The following ARNT2 variants were observed in gnomAD, a reference collection of about 807,000 sequenced individuals.
ARNT2 encodes the protein aryl hydrocarbon receptor nuclear translocator 2, also known as ARNT protein 2.
ARNT2 carries 36 observed loss-of-function variants against 91.7 expected under a neutral mutation model. The ratio of observed to expected loss-of-function variants is 0.39; its 90% CI spans 0.30 to 0.52. The LOEUF (loss-of-function observed/expected upper bound fraction) is 0.52. ARNT2 is among the 20% of genes least tolerant of loss of function. ARNT2 has a pLI of 0.72. For missense variants in ARNT2, 775 were observed against 939.3 expected (o/e 0.83, Z 2.29); for synonymous variants, 365 against 347.1 (o/e 1.05, Z -0.57).
At chr15:80,448,942 G>A (rs1228236562) in intron 1 of ARNT2, among the ~76,000 whole-genome samples, 10 of 152,132 alleles carry the variant, frequency 6.6e-5, no homozygotes, top group Admixed American at 2.0e-4. Context: ...CCAAGATCAC[G>A]CCACTGCTCT....
intron 8 of ARNT2, among the ~76,000 whole-genome samples, chr15:80,524,995 G>A (rs189741026): frequency 4.0e-4 from 61 of 152,244 alleles, no homozygotes; most frequent in African/African-American, 8.9e-4. Flanking sequence ...GTATCTATGC[G>A]TTGAAAAATG....
chr15:80,523,993 A>G (rs888742366), intron 8 of ARNT2, among the ~76,000 whole-genome samples: 1 of 152,212 alleles, frequency 6.6e-6, no homozygotes, highest in African/African-American at 2.4e-5. Flanking sequence ...GGGGTGTCAT[A>G]TGAAGGAGGA....
intron 5 of ARNT2, among the ~76,000 whole-genome samples, chr15:80,496,398 C>G (rs1194664663): frequency 6.6e-6 from 1 of 152,204 alleles, no homozygotes; most frequent in Non-Finnish European, 1.5e-5. Flanking sequence ...GCCTGTAACT[C>G]CAGCTGGTAA....
chr15:80,443,078 G>A (rs1896219668), intron 1 of ARNT2: 1 of 959,024 alleles, frequency 1.0e-6, no homozygotes, highest in Non-Finnish European at 1.2e-6. Flanking sequence ...TAGGGGAGGG[G>A]TTGTTCAGAG....
chr15:80,469,878 G>A (rs1210151371), intron 3 of ARNT2, among the ~76,000 whole-genome samples: 1 of 152,232 alleles, frequency 6.6e-6, no homozygotes, highest in Admixed American at 6.5e-5. Context: ...GCCTCCCAAA[G>A]TGCTGGGACT....
At chr15:80,429,274 G>C (rs1338086944) in intron 1 of ARNT2, among the ~76,000 whole-genome samples, 1 of 152,188 alleles carries the variant, frequency 6.6e-6, no homozygotes, top group Admixed American at 6.5e-5. Flanking sequence ...GAGGGTTGAA[G>C]CTTTCAGCCC....
At chr15:80,554,277 C>T (rs1269902960) in intron 10 of ARNT2, among the ~76,000 whole-genome samples, 1 of 151,878 alleles carries the variant, frequency 6.6e-6, no homozygotes, top group Admixed American at 6.6e-5. Flanking sequence ...GGCATGGTGG[C>T]GGGTGCTTGT....
At position 80,418,659 on chromosome 15, in the gene ARNT2, G is replaced by A. The variant is rs573187131; in HGVS notation, c.31+14113G>A. Among the ~76,000 whole-genome samples the A allele has an allele frequency of 2.0e-5, 3 of 152,220 alleles. No individual in the cohort carries two copies. In the South Asian group the frequency reaches 6.2e-4, roughly 32 times the overall value. On this transcript the variant is annotated intron_variant, in intron 1 of 18. Transcript: ENST00000303329. ...CTCTCTATGGATCCTCTGTTGGGTC[G>A]GGGGCTAGGCTGCTGTGCTGTGGGA... is the stretch of plus-strand genomic sequence containing the variant.
intron 12 of ARNT2, among the ~76,000 whole-genome samples, chr15:80,566,808 C>T (rs917248413): frequency 1.3e-5 from 2 of 152,174 alleles, no homozygotes; most frequent in African/African-American, 4.8e-5. Flanking sequence ...TCTTTTTTTA[C>T]CTTTGCCTTC....
intron 9 of ARNT2, among the ~76,000 whole-genome samples, 162 bp downstream of exon 9, chr15:80,551,437 G>T (rs959348951): frequency 6.6e-6 from 1 of 152,246 alleles, no homozygotes; most frequent in African/African-American, 2.4e-5. Flanking sequence ...AAATCTAGAA[G>T]AGAAGGGGAC....
rs1896659060 is a variant in ARNT2 at position 80,466,652 on chromosome 15, C to T, written c.195-3566C>T. On this transcript the variant is annotated intron_variant, in intron 3 of 18. Transcript: ENST00000303329. ...ATGTCCTTCTGTGTTCCCAAGATGGCATCATCCCCGCTGCCTTGATGAAGG... is the reference window on the plus strand; with the variant it reads ...ATGTCCTTCTGTGTTCCCAAGATGGTATCATCCCCGCTGCCTTGATGAAGG... Among the ~76,000 whole-genome samples, 3 of 151,562 alleles carry T rather than the reference C, an allele frequency of 2.0e-5. 1 individual carries two copies. The highest frequency in any genetic ancestry group is 4.4e-5 in the Non-Finnish European group (3 of 68,022).
chr15:80,475,006 A>G lies in ARNT2; in HGVS notation c.409-4A>G, dbSNP rs552274120. 5.0e-6 allele frequency: 8 copies of G among 1,613,960 alleles called. No individual in the cohort carries two copies. Among genetic ancestry groups the G allele is most frequent in the African/African-American group, 1.3e-5 (1 of 75,046 alleles). Reference sequence around the variant, plus strand: ...TTGTGCCAATCATAATCTTTTCTTTATAGGAACTGAAGCATCTCATCCTTG... The same window carrying G: ...TTGTGCCAATCATAATCTTTTCTTTGTAGGAACTGAAGCATCTCATCCTTG... On this transcript the variant is annotated splice_polypyrimidine_tract_variant and splice_region_variant and intron_variant, in intron 4 of 18. Transcript: ENST00000303329.
chr15:80,530,667 C>G (rs1322353486), intron 8 of ARNT2, among the ~76,000 whole-genome samples: 1 of 152,098 alleles, frequency 6.6e-6, no homozygotes, highest in Non-Finnish European at 1.5e-5. Flanking sequence ...GGTAGTTACT[C>G]AAGTGGTATC....
Position 80,576,876 on chromosome 15 carries a change from G to A in ARNT2, c.1524G>A (p.Lys508=). The part of the protein sequence containing the change: ...MFAGISASEK[K]MMSSASAAGT... ...CTCTGGTTTTCCTAGCGGAGAAGAA[G>A]ATGATGAGCTCAGCCTCTGCAGCAG... The change falls in exon 15 of 19, where the codon AAG becomes AAA. Residue 508 remains lysine, a synonymous_variant. Coordinates refer to ENST00000303329, the MANE Select transcript of ARNT2 (RefSeq NM_014862.4). 6.2e-7 allele frequency: 1 copy of A among 1,614,122 alleles called. No homozygotes were observed. Among genetic ancestry groups the A allele is most frequent in the Non-Finnish European group, 8.5e-7 (1 of 1,180,036 alleles).
At chr15:80,498,617 T>C (rs369342489) in intron 5 of ARNT2, among the ~76,000 whole-genome samples, 14 of 152,272 alleles carry the variant, frequency 9.2e-5, no homozygotes, top group African/African-American at 3.4e-4. Flanking sequence ...TGCAAACCCA[T>C]TCCCCCGAGT....
At chr15:80,477,829 TTATGA>T (rs1292664545) in intron 5 of ARNT2, among the ~76,000 whole-genome samples, 1 of 152,188 alleles carries the variant, frequency 6.6e-6, no homozygotes, top group African/African-American at 2.4e-5. Flanking sequence ...ATAATAACAC[TTATGA>T]TAAGAGTGAG....
At chr15:80,442,858 A>G (rs939944969) in intron 1 of ARNT2, 4 of 985,294 alleles carry the variant, frequency 4.1e-6, no homozygotes, top group African/African-American at 3.5e-5. Flanking sequence ...CAGGTGACCA[A>G]GGTTTTTTAG....
At chr15:80,409,045 T>C (rs1895645393) in intron 1 of ARNT2, among the ~76,000 whole-genome samples, 1 of 152,144 alleles carries the variant, frequency 6.6e-6, no homozygotes, top group Non-Finnish European at 1.5e-5. Context: ...GTAGTACATG[T>C]GTTACAATTG....
intron 12 of ARNT2, among the ~76,000 whole-genome samples, chr15:80,568,141 A>G (rs945291060): frequency 6.6e-6 from 1 of 152,222 alleles, no homozygotes; most frequent in Non-Finnish European, 1.5e-5. Context: ...GTTCCATCAA[A>G]TATGGAATGA....
Sources: allele counts gnomAD v4.1 joint callset (sites outside exome capture counted in the v4.1 genomes callset), GRCh38; gene constraint gnomAD v4.1.1; transcripts MANE v1.5; gene names NCBI Gene and HGNC (gene_info 2026-07-23, HGNC 2026-07-21).